Variants in FGD4 observed in about 807,000 individuals in gnomAD.
The protein encoded by FGD4 is FYVE, RhoGEF and PH domain containing 4.
FGD4 carries 42 observed loss-of-function variants against 102.0 expected under a neutral mutation model. That is an observed-to-expected ratio of 0.41 (90% confidence interval 0.32 to 0.53). The LOEUF (loss-of-function observed/expected upper bound fraction) is 0.53. Among genes scored for constraint, FGD4 ranks in the 20% least tolerant of loss-of-function variants. FGD4 has a pLI of 0.21. For missense variants in FGD4, 902 were observed against 1,078.2 expected, an observed-to-expected ratio of 0.84 and a Z score of 2.29; for synonymous variants, 380 against 375.7, an observed-to-expected ratio of 1.01 and a Z score of -0.13.
At chr12:32,433,955 A>C (rs1213955052) in intron 1 of FGD4, among the ~76,000 whole-genome samples, 1 of 151,964 alleles carries the variant, frequency 6.6e-6, no homozygotes, top group Non-Finnish European at 1.5e-5. Context: ...TTCTGGGTTC[A>C]AGCGATTCTT....
chr12:32,442,125 C>T (rs1339265244), intron 1 of FGD4, among the ~76,000 whole-genome samples: 3 of 150,566 alleles, frequency 2.0e-5, no homozygotes, highest in African/African-American at 4.9e-5. Context: ...GCAATCTCGG[C>T]TCACTGCAAC....
chr12:32,499,710 T>A (rs999285647), intron 1 of FGD4, among the ~76,000 whole-genome samples: 1 of 152,234 alleles, frequency 6.6e-6, no homozygotes, highest in Admixed American at 6.5e-5. Flanking sequence ...AAGCCTGGCC[T>A]TTTGTTCCTG....
At chr12:32,533,251 T>C (rs1825903343) in intron 1 of FGD4, among the ~76,000 whole-genome samples, 1 of 152,158 alleles carries the variant, frequency 6.6e-6, no homozygotes, top group African/African-American at 2.4e-5. Flanking sequence ...CACTCAGTGA[T>C]GTATGTCTTG....
At chr12:32,564,358 G>A in intron 2 of FGD4, 69 bp downstream of exon 2, 2 of 1,488,656 alleles carry the variant, frequency 1.3e-6, no homozygotes, top group East Asian at 2.5e-5. Context: ...CCAGAAAAAT[G>A]ATGGCCACAA....
chr12:32,630,204 C>A (rs536361502), intron 14 of FGD4, among the ~76,000 whole-genome samples: 23 of 152,206 alleles, frequency 1.5e-4, no homozygotes, highest in Admixed American at 3.3e-4. Flanking sequence ...CGTAAAGAAG[C>A]AAAGCATTAC....
intron 8 of FGD4, among the ~76,000 whole-genome samples, chr12:32,609,495 T>C (rs1210796110): frequency 3.3e-5 from 5 of 152,190 alleles, no homozygotes; most frequent in Non-Finnish European, 5.9e-5. Flanking sequence ...CTGTATCAAG[T>C]GCACAGCATC....
chr12:32,502,413 A>T (rs1938297861), intron 1 of FGD4: 2 of 892,248 alleles, frequency 2.2e-6, no homozygotes, highest in East Asian at 2.4e-4. Flanking sequence ...TGGTCCAAGG[A>T]AAGTGAGCTC....
At chr12:32,469,339 C>G (rs970919587) in intron 1 of FGD4, among the ~76,000 whole-genome samples, 1 of 151,930 alleles carries the variant, frequency 6.6e-6, no homozygotes, top group Non-Finnish European at 1.5e-5. Context: ...AGTGCAGTGG[C>G]GCAATCTCGG....
chr12:32,601,187 A>C, intron 5 of FGD4, 91 bp from the exon 6 acceptor site: 1 of 1,369,960 alleles, frequency 7.3e-7, no homozygotes, highest in Non-Finnish European at 1.0e-6. Flanking sequence ...TGCTCAATAA[A>C]AAGTTACTAA....
intron 5 of FGD4, among the ~76,000 whole-genome samples, chr12:32,599,672 C>T (rs1387856517): frequency 2.0e-5 from 3 of 146,886 alleles, no homozygotes; most frequent in African/African-American, 7.6e-5. Context: ...CTCAGCCTCC[C>T]GAGTAGCTGG....
At chr12:32,618,669 A>C (rs1949598332) in intron 10 of FGD4, among the ~76,000 whole-genome samples, 1 of 151,926 alleles carries the variant, frequency 6.6e-6, no homozygotes, top group Non-Finnish European at 1.5e-5. Flanking sequence ...CTGTATCTAC[A>C]AAAAAAATTT....
intron 1 of FGD4, among the ~76,000 whole-genome samples, chr12:32,410,969 C>T (rs1487544829): frequency 7.2e-6 from 1 of 138,084 alleles, no homozygotes; most frequent in Admixed American, 7.4e-5. Context: ...CTCACTCTGT[C>T]GCCCAGGCTG....
intron 1 of FGD4, among the ~76,000 whole-genome samples, chr12:32,417,754 G>A (rs1941475863): frequency 6.6e-6 from 1 of 151,808 alleles, no homozygotes; most frequent in Non-Finnish European, 1.5e-5. Context: ...TCTTCAGTAT[G>A]CCAATTCCAT....
intron 1 of FGD4, among the ~76,000 whole-genome samples, chr12:32,442,359 G>GT (rs1942470484): frequency 4.6e-5 from 7 of 151,996 alleles, no homozygotes; most frequent in Admixed American, 4.6e-4. Flanking sequence ...GGCCAGGACT[G>GT]TTTTTTCTGT....
chr12:32,407,743 C>A (rs1394332107), intron 1 of FGD4, among the ~76,000 whole-genome samples: 2 of 152,060 alleles, frequency 1.3e-5, no homozygotes, highest in East Asian at 3.9e-4. Flanking sequence ...GAATTTGTGC[C>A]GATACACAAT....
chr12:32,490,717 G>T (rs929264967), intron 1 of FGD4, among the ~76,000 whole-genome samples: 2 of 152,058 alleles, frequency 1.3e-5, no homozygotes, highest in Non-Finnish European at 2.9e-5. Context: ...TTTTTAATGG[G>T]ATGACAGCAG....
rs1476330066 is a variant in FGD4, at chr12:32,607,975, A to G, written c.1423A>G (p.Ser475Gly). Reference protein sequence around the residue: ...EEIQKQKICGSLTLQHHMLEP... With the variant: ...EEIQKQKICGGLTLQHHMLEP... ...ATTACAGAAACAGAAAATCTGTGGGAGCTTAACTTTGCAGCATCACATGCT... is the reference window on the plus strand; with the variant it reads ...ATTACAGAAACAGAAAATCTGTGGGGGCTTAACTTTGCAGCATCACATGCT... The change falls in exon 8 of 17, where the codon AGC becomes GGC. Residue 475 changes from serine (S) to glycine (G), a missense_variant. Coordinates refer to ENST00000534526, the MANE Select transcript of FGD4 (RefSeq NM_001370298.3). 1 of 1,614,230 alleles carries G rather than the reference A, an allele frequency of 6.2e-7. No individual in the cohort carries two copies. The highest frequency in any genetic ancestry group is 1.7e-5 in the Admixed American group (1 of 60,030).
chr12:32,507,939 A>G (rs1030898012), intron 1 of FGD4, among the ~76,000 whole-genome samples: 2 of 152,226 alleles, frequency 1.3e-5, no homozygotes, highest in African/African-American at 4.8e-5. Flanking sequence ...TGGTAGGACT[A>G]TTAGCCCTCA....
intron 2 of FGD4, chr12:32,574,619 G>A (rs1005009628): frequency 6.6e-6 from 1 of 152,082 alleles, no homozygotes; most frequent in Non-Finnish European, 1.5e-5. Context: ...TTTTCTTATT[G>A]TTTGTATTGA....
Sources: gnomAD v4.1 joint callset for allele counts (sites outside exome capture counted in the v4.1 genomes callset) on GRCh38, gnomAD v4.1.1 for gene constraint, MANE v1.5 for transcripts, NCBI Gene and HGNC (gene_info 2026-07-23, HGNC 2026-07-21) for gene names.